Variants in PDGFRA observed in about 807,000 individuals in gnomAD.
PDGFRA encodes platelet-derived growth factor receptor alpha.
Under a neutral mutation model 121.5 loss-of-function variants are expected in PDGFRA, and 25 were observed. The observed-to-expected ratio is 0.21, with a 90% CI of 0.15 to 0.29. The LOEUF (loss-of-function observed/expected upper bound fraction) is 0.29. Among genes scored for constraint, PDGFRA ranks in the 10% least tolerant of loss-of-function variants. The probability of loss-of-function intolerance (pLI) is 1.00; values close to 1 mark genes in which losing one functional copy is unlikely to be tolerated. For synonymous variants in PDGFRA, 463 were observed against 494.8 expected (o/e 0.94, Z 0.85); for missense variants, 1,008 against 1,345.1 (o/e 0.75, Z 3.92).
chr4:54,233,736 T>G (rs1372359168), intron 1 of PDGFRA, among the ~76,000 whole-genome samples: 2 of 151,072 alleles, frequency 1.3e-5, no homozygotes, highest in African/African-American at 2.4e-5. Flanking sequence ...AGCAGGGGAG[T>G]GTGGAGGAGG....
At chr4:54,266,393 C>CT (rs1034339575) in intron 5 of PDGFRA, among the ~76,000 whole-genome samples, 15 of 144,776 alleles carry the variant, frequency 1.0e-4, no homozygotes, top group Admixed American at 2.8e-4. Context: ...GTATTTCTTT[C>CT]TTTTTTTTTT....
chr4:54,286,046 G>C (rs1035404866), intron 18 of PDGFRA, 83 bp downstream of exon 18: 1 of 1,419,422 alleles, frequency 7.0e-7, no homozygotes, highest in Non-Finnish European at 9.9e-7. Context: ...TAGAGATTCG[G>C]TGCCTGTTTT....
intron 1 of PDGFRA, among the ~76,000 whole-genome samples, chr4:54,248,945 C>T (rs1207033362): frequency 6.6e-6 from 1 of 152,096 alleles, no homozygotes; most frequent in African/African-American, 2.4e-5. Flanking sequence ...GACATTTAAG[C>T]AGCCAAAAAA....
chr4:54,277,748 A>G, intron 13 of PDGFRA, 148 bp from the exon 14 acceptor site: 1 of 711,042 alleles, frequency 1.4e-6, no homozygotes, highest in Non-Finnish European at 2.6e-6. Context: ...AGTTATTAGC[A>G]CTGAGGCCAA....
chr4:54,294,991 C>G, intron 22 of PDGFRA, 134 bp from the exon 23 acceptor site: 1 of 878,154 alleles, frequency 1.1e-6, no homozygotes, highest in South Asian at 1.4e-5. Context: ...CATGTCAGGC[C>G]TGGGGGCAGA....
In PDGFRA at chr4:54,273,770, C is replaced by A. The variant is rs199763264; in HGVS notation, c.1558+40C>A. ...AGTCAGGACAACTCATCAGCTGAGCCGCATCTGCCCCAGGCGGAACTTTGA... is the reference window on the plus strand; with the variant it reads ...AGTCAGGACAACTCATCAGCTGAGCAGCATCTGCCCCAGGCGGAACTTTGA... On this transcript the variant is annotated intron_variant, in intron 10 of 22. Coordinates refer to ENST00000257290, the MANE Select transcript of PDGFRA (RefSeq NM_006206.6). 2.0e-6 allele frequency: 3 copies of A among 1,536,246 alleles called. No individual in the cohort carries two copies. The South Asian group carries it at 3.4e-5, about 17-fold the overall frequency.
intron 7 of PDGFRA, 122 bp downstream of exon 7, chr4:54,267,863 A>C (rs1723131198): frequency 5.1e-6 from 4 of 782,526 alleles, no homozygotes; most frequent in African/African-American, 1.7e-5. Context: ...ATCTGAGTTA[A>C]GAGATGCTTG....
chr4:54,289,684 T>C (rs567426751), intron 21 of PDGFRA, among the ~76,000 whole-genome samples: 28 of 152,278 alleles, frequency 1.8e-4, no homozygotes, highest in African/African-American at 6.7e-4. Context: ...TTTATACTTA[T>C]CATTTTTCTT....
chr4:54,267,622 T>G lies in PDGFRA; in HGVS notation c.1002T>G (p.His334Gln), dbSNP rs2110266953. 6.2e-7 allele frequency: 1 copy of G among 1,614,164 alleles called. No homozygotes were observed. Among genetic ancestry groups the G allele is most frequent in the South Asian group, 1.1e-5 (1 of 91,080 alleles). ...LEAVNLHEVK[H>Q]FVVEVRAYPP... ...CTGTCAACCTGCATGAAGTCAAACATTTTGTTGTAGAGGTGCGGGCCTACC... is the reference window on the plus strand; with the variant it reads ...CTGTCAACCTGCATGAAGTCAAACAGTTTGTTGTAGAGGTGCGGGCCTACC... The change falls in exon 7 of 23, where the codon CAT becomes CAG. Residue 334 changes from histidine to glutamine, a missense_variant. Physicochemically the swap from His to Gln is conservative, Grantham distance 24. Coordinates refer to ENST00000257290, the MANE Select transcript of PDGFRA (RefSeq NM_006206.6).
chr4:54,274,426 C>T, intron 10 of PDGFRA, 105 bp from the exon 11 acceptor site: 1 of 832,150 alleles, frequency 1.2e-6, no homozygotes, highest in Non-Finnish European at 2.1e-6. Flanking sequence ...CACTTCCCCA[C>T]CAGCAGTGAG....
At chr4:54,251,957 A>G (rs1722073723) in intron 1 of PDGFRA, among the ~76,000 whole-genome samples, 1 of 152,210 alleles carries the variant, frequency 6.6e-6, no homozygotes, top group South Asian at 2.1e-4. Context: ...TGGCAAACAA[A>G]TTTGTCCCAC....
intron 1 of PDGFRA, among the ~76,000 whole-genome samples, chr4:54,254,271 A>G (rs1560461419): frequency 6.6e-6 from 1 of 152,202 alleles, no homozygotes; most frequent in Non-Finnish European, 1.5e-5. Context: ...TAGATAAGTA[A>G]TGACATGAAA....
chr4:54,288,681 A>C (rs1372194664), intron 19 of PDGFRA, 118 bp from the exon 20 acceptor site: 2 of 748,816 alleles, frequency 2.7e-6, no homozygotes, highest in African/African-American at 3.4e-5. Flanking sequence ...TCTTGAAAAA[A>C]CCAGTGCTTC....
intron 1 of PDGFRA, among the ~76,000 whole-genome samples, chr4:54,235,825 T>C (rs568153896): frequency 6.6e-6 from 1 of 152,362 alleles, no homozygotes; most frequent in East Asian, 1.9e-4. Flanking sequence ...AACTATATAA[T>C]TTAGTCCTTA....
chr4:54,245,094 G>A lies in PDGFRA; in HGVS notation c.-12-13663G>A, dbSNP rs566015075. 7.0e-3 allele frequency among the ~76,000 whole-genome samples: 1,061 copies of A among 152,328 alleles called. 9 individuals carry two copies. The highest frequency in any genetic ancestry group is 0.024 in the African/African-American group (1,000 of 41,566). Reference sequence around the variant, plus strand: ...GAAAAGACCAAATCTACGTCTGATTGGTGTACCTGAAAGTGACGGGGAGAA... The same window carrying A: ...GAAAAGACCAAATCTACGTCTGATTAGTGTACCTGAAAGTGACGGGGAGAA... On this transcript the variant is annotated intron_variant, in intron 1 of 22. Transcript: ENST00000257290.
rs2110267536 is a variant in PDGFRA, at chr4:54,267,711, C to A, written c.1091C>A (p.Thr364Asn). 1 of 1,613,968 alleles carries A rather than the reference C, an allele frequency of 6.2e-7. No homozygotes were observed. The change falls in exon 7 of 23, where the codon ACC becomes AAC. Residue 364 changes from threonine (T) to asparagine (N), a missense_variant. Around this residue, in one of 5 missense-constraint regions of PDGFRA, gnomAD observed 575 missense variants for 701.8 expected, o/e 0.82. Coordinates refer to ENST00000257290, the MANE Select transcript of PDGFRA (RefSeq NM_006206.6). ...LTLIENLTEI[T>N]TDVEKIQEIR... Reference sequence around the variant, plus strand: ...CTGATTGAAAATCTCACTGAGATCACCACTGATGTGGAAAAGATTCAGGAA... The same window carrying A: ...CTGATTGAAAATCTCACTGAGATCAACACTGATGTGGAAAAGATTCAGGAA...
chr4:54,281,914 C>G, intron 16 of PDGFRA: 3 of 1,150,864 alleles, frequency 2.6e-6, no homozygotes, highest in Admixed American at 4.7e-5. Flanking sequence ...ATTTTATTAA[C>G]AAATTATAAG....
At chr4:54,255,054 G>A (rs796761459) in intron 1 of PDGFRA, among the ~76,000 whole-genome samples, 1 of 152,086 alleles carries the variant, frequency 6.6e-6, no homozygotes, top group Non-Finnish European at 1.5e-5. Context: ...AAGTGGAGAG[G>A]GCACAGCTTT....
rs186210761 is a variant in PDGFRA, at chr4:54,296,265, A to G, written c.*993A>G. Reference sequence around the variant, plus strand: ...AACAAACAAAACTCTTAAGTCCTAAAAGTTCTCAATGTAGAGGCATAAACC... The same window carrying G: ...AACAAACAAAACTCTTAAGTCCTAAGAGTTCTCAATGTAGAGGCATAAACC... On this transcript the variant is annotated 3_prime_UTR_variant, in exon 23 of 23. Transcript: ENST00000257290. 1.7e-5 allele frequency: 4 copies of G among 232,994 alleles called. No homozygotes were observed. The highest frequency in any genetic ancestry group is 3.4e-5 in the Non-Finnish European group (4 of 117,928). The allele number at this position is 232,994 out of a possible 1,614,324, so 14.4% of individuals were successfully genotyped here.
Sources: allele counts gnomAD v4.1 joint callset (sites outside exome capture counted in the v4.1 genomes callset), GRCh38; gene constraint gnomAD v4.1.1; regional missense constraint gnomAD v4.1.1; transcripts MANE v1.5; gene names NCBI Gene and HGNC (gene_info 2026-07-23, HGNC 2026-07-21).